TCF7L2: variants seen among roughly 807,000 people sequenced by gnomAD.
TCF7L2 encodes the protein transcription factor 7 like 2.
A neutral mutation model predicts 77.9 loss-of-function variants in TCF7L2; 23 were observed. The ratio of observed to expected loss-of-function variants is 0.30; its 90% confidence interval spans 0.21 to 0.42. TCF7L2 has a LOEUF of 0.42. Among genes scored for constraint, TCF7L2 ranks in the 10% least tolerant of loss-of-function variants. The probability of loss-of-function intolerance (pLI) is 1.00; values close to 1 mark genes in which losing one functional copy is unlikely to be tolerated. For missense variants in TCF7L2, 654 were observed against 793.1 expected, an observed-to-expected ratio of 0.82 and a Z score of 2.11; for synonymous variants, 413 against 340.2, an observed-to-expected ratio of 1.21 and a Z score of -2.36.
chr10:113,154,597 G>A (rs2071453619), intron 11 of TCF7L2, among the ~76,000 whole-genome samples: 1 of 152,172 alleles, frequency 6.6e-6, no homozygotes, highest in Non-Finnish European at 1.5e-5. Context: ...GACTGTGATA[G>A]CTTCAAAAGA....
In TCF7L2 at chr10:113,024,128, T is replaced by G. The variant is rs551771584; in HGVS notation, c.451-15897T>G. Among the ~76,000 whole-genome samples the G allele has an allele frequency of 6.0e-4, 91 of 151,860 alleles. 1 individual carries two copies. The South Asian group carries it at 0.019, about 32-fold the overall frequency. On this transcript the variant is annotated intron_variant, in intron 4 of 13. Transcript: ENST00000627217. ...GCCTGGCCAACATAGTAAAACCCCA[T>G]CTCTACTAAAAATACAAAAATTAGC...
chr10:112,968,093 C>T (rs1268943864), intron 4 of TCF7L2, among the ~76,000 whole-genome samples: 3 of 152,092 alleles, frequency 2.0e-5, no homozygotes, highest in Admixed American at 1.3e-4. Flanking sequence ...TCCATGAAAC[C>T]ATTACTCAGA....
chr10:113,165,772 G>A lies in TCF7L2; in HGVS notation c.1609G>A (p.Ala537Thr), dbSNP rs747331351. The change falls in exon 14 of 14, where the codon GCC becomes ACC. Residue 537 changes from alanine (A) to threonine (T), a missense_variant. This residue lies in a region of TCF7L2 where 272 missense variants were observed against 215.4 expected (regional missense o/e 1.26). Transcript: ENST00000627217. ...CCTGTCCATGATGCCTCCGCCACCC[G>A]CCCTCCTGCTCGCTGAGGCCACCCA... The A allele has an allele frequency of 1.4e-5, 23 of 1,603,802 alleles. No individual in the cohort carries two copies. The highest frequency in any genetic ancestry group is 7.8e-5 in the South Asian group (7 of 89,920).
chr10:112,956,009 T>G (rs2033473837), intron 3 of TCF7L2, among the ~76,000 whole-genome samples: 1 of 152,086 alleles, frequency 6.6e-6, no homozygotes, highest in Non-Finnish European at 1.5e-5. Flanking sequence ...GAAATCCTGG[T>G]GCAACTTCTC....
chr10:113,022,773 G>A (rs2048461376), intron 4 of TCF7L2, among the ~76,000 whole-genome samples: 1 of 152,134 alleles, frequency 6.6e-6, no homozygotes, highest in Non-Finnish European at 1.5e-5. Context: ...CGAACTCTGA[G>A]AGATGGCTGT....
intron 4 of TCF7L2, among the ~76,000 whole-genome samples, chr10:112,968,315 C>T (rs1393691105): frequency 2.0e-5 from 3 of 152,180 alleles, no homozygotes; most frequent in Non-Finnish European, 4.4e-5. Flanking sequence ...TTCTCTTCCT[C>T]CTCTTCCTCC....
intron 5 of TCF7L2, chr10:113,127,039 G>C (rs1321327352): frequency 1.7e-6 from 1 of 588,986 alleles, no homozygotes; most frequent in East Asian, 1.4e-4. Flanking sequence ...CTTTCAGGTT[G>C]ATGTACCTTG....
intron 4 of TCF7L2, among the ~76,000 whole-genome samples, chr10:113,028,465 G>A (rs143291128): frequency 6.6e-6 from 1 of 152,252 alleles, no homozygotes; most frequent in African/African-American, 2.4e-5. Flanking sequence ...CCACATGTTT[G>A]TCACAGCTAG....
intron 11 of TCF7L2, 44 bp from the exon 12 acceptor site, chr10:113,157,977 T>C (rs2137359407): frequency 6.4e-7 from 1 of 1,555,652 alleles, no homozygotes; most frequent in Non-Finnish European, 8.7e-7. Flanking sequence ...TCTTCTCACA[T>C]CTGTTTCTTG....
intron 5 of TCF7L2, among the ~76,000 whole-genome samples, chr10:113,073,864 G>T (rs769873059): frequency 6.6e-6 from 1 of 152,210 alleles, no homozygotes; most frequent in Non-Finnish European, 1.5e-5. Flanking sequence ...ACGACTCCAT[G>T]TGCGAGTTGC....
At chr10:113,078,502 G>T (rs1301286188) in intron 5 of TCF7L2, among the ~76,000 whole-genome samples, 2 of 152,190 alleles carry the variant, frequency 1.3e-5, no homozygotes, top group East Asian at 1.9e-4. Flanking sequence ...CTGGGATCAA[G>T]TGATGGCTGA....
intron 5 of TCF7L2, among the ~76,000 whole-genome samples, chr10:113,054,963 G>C (rs569344534): frequency 5.3e-5 from 8 of 150,786 alleles, no homozygotes; most frequent in South Asian, 2.1e-4. Flanking sequence ...CTTTTTAACT[G>C]CTCTGTAGTA....
intron 4 of TCF7L2, among the ~76,000 whole-genome samples, chr10:112,998,712 A>G (rs1245928376): frequency 2.0e-5 from 3 of 152,186 alleles, no homozygotes; most frequent in Non-Finnish European, 4.4e-5. Flanking sequence ...GGCCCTGGAC[A>G]CAGGCCTGTG....
chr10:113,018,273 G>C (rs1564789755), intron 4 of TCF7L2, among the ~76,000 whole-genome samples: 1 of 152,038 alleles, frequency 6.6e-6, no homozygotes, highest in Non-Finnish European at 1.5e-5. Flanking sequence ...TCATCTTTCT[G>C]GGGAGTGTTG....
intron 5 of TCF7L2, among the ~76,000 whole-genome samples, chr10:113,061,539 T>C (rs148056266): frequency 2.6e-5 from 4 of 152,226 alleles, no homozygotes; most frequent in Admixed American, 2.0e-4. Flanking sequence ...CGTGTAGTAA[T>C]TGTCGCAGGT....
At chr10:113,088,423 T>G (rs1468405215) in intron 5 of TCF7L2, among the ~76,000 whole-genome samples, 1 of 151,784 alleles carries the variant, frequency 6.6e-6, no homozygotes, top group African/African-American at 2.4e-5. Flanking sequence ...ACCTACCTCA[T>G]AAGGTAGGGG....
intron 5 of TCF7L2, among the ~76,000 whole-genome samples, chr10:113,068,839 G>C (rs2057583420): frequency 6.6e-6 from 1 of 151,862 alleles, no homozygotes; most frequent in Admixed American, 6.6e-5. Context: ...TTCGCATGCT[G>C]CCAGACCCCT....
At chr10:113,076,898 C>T (rs2058752861) in intron 5 of TCF7L2, among the ~76,000 whole-genome samples, 2 of 152,172 alleles carry the variant, frequency 1.3e-5, no homozygotes, top group Non-Finnish European at 2.9e-5. Flanking sequence ...TTCCCCCTCC[C>T]CTGCATTTTT....
chr10:113,061,526 A>G (rs1169764912), intron 5 of TCF7L2, among the ~76,000 whole-genome samples: 2 of 152,226 alleles, frequency 1.3e-5, no homozygotes, highest in African/African-American at 4.8e-5. Context: ...GTGAGTGAGG[A>G]TACGTGTAGT....
Sources: gnomAD v4.1 joint callset for allele counts (sites outside exome capture counted in the v4.1 genomes callset) on GRCh38, gnomAD v4.1.1 for gene constraint, gnomAD v4.1.1 regional missense constraint, MANE v1.5 for transcripts, NCBI Gene and HGNC (gene_info 2026-07-23, HGNC 2026-07-21) for gene names.